TRAF3: variants seen among roughly 807,000 people sequenced by gnomAD.
The protein encoded by TRAF3 is TNF receptor associated factor 3.
A neutral mutation model predicts 62.3 loss-of-function variants in TRAF3; 13 were observed. The ratio of observed to expected loss-of-function variants is 0.21; its 90% CI spans 0.14 to 0.33. TRAF3 has a LOEUF of 0.33. Ranked by LOEUF, TRAF3 falls within the 10% of genes least tolerant of loss-of-function variation. The probability of loss-of-function intolerance (pLI) is 1.00; values close to 1 mark genes in which losing one functional copy is unlikely to be tolerated. For missense variants in TRAF3, 440 were observed against 741.8 expected, an observed-to-expected ratio of 0.59 and a Z score of 4.73; for synonymous variants, 269 against 283.4, an observed-to-expected ratio of 0.95 and a Z score of 0.51.
At chr14:102,779,152 T>G (rs1238907396) in intron 1 of TRAF3, among the ~76,000 whole-genome samples, 1 of 151,624 alleles carries the variant, frequency 6.6e-6, no homozygotes, top group East Asian at 1.9e-4. Flanking sequence ...CTGGTGAAAA[T>G]CAGACCTTAT....
intron 4 of TRAF3, among the ~76,000 whole-genome samples, chr14:102,875,295 C>T (rs916727807): frequency 6.6e-5 from 10 of 152,180 alleles, no homozygotes; most frequent in Admixed American, 3.3e-4. Flanking sequence ...TGAACCTGGT[C>T]CTCCTCTGCC....
intron 1 of TRAF3, among the ~76,000 whole-genome samples, chr14:102,789,860 C>G (rs1227484201): frequency 6.6e-6 from 1 of 151,552 alleles, no homozygotes; most frequent in African/African-American, 2.4e-5. Flanking sequence ...CCTTCTGTTG[C>G]CCAGGCTGGA....
At chr14:102,841,249 AG>A (rs1203921641) in intron 2 of TRAF3, among the ~76,000 whole-genome samples, 1 of 152,188 alleles carries the variant, frequency 6.6e-6, no homozygotes, top group Non-Finnish European at 1.5e-5. Context: ...GGAGCAGGTT[AG>A]AGAGAGAGCT....
intron 2 of TRAF3, among the ~76,000 whole-genome samples, chr14:102,858,292 C>A (rs571741748): frequency 1.5e-3 from 234 of 152,216 alleles, no homozygotes; most frequent in Non-Finnish European, 2.5e-3. Flanking sequence ...GCTGGGCTTA[C>A]AGGTACGCAC....
At chr14:102,856,098 A>C (rs1232723087) in intron 2 of TRAF3, among the ~76,000 whole-genome samples, 3 of 91,448 alleles carry the variant, frequency 3.3e-5, no homozygotes, top group Non-Finnish European at 5.8e-5. Context: ...CCTGTCTCAC[A>C]AAAAAAAAAA....
At chr14:102,827,379 C>T (rs7152791) in intron 1 of TRAF3, among the ~76,000 whole-genome samples, 62,941 of 152,150 alleles carry the variant, frequency 0.41, 17,700 homozygotes, top group African/African-American at 0.8. Flanking sequence ...CTGATCTTTT[C>T]GGATTTTGGC....
chr14:102,782,962 C>T (rs144520244), intron 1 of TRAF3, among the ~76,000 whole-genome samples: 21 of 152,250 alleles, frequency 1.4e-4, no homozygotes, highest in Admixed American at 1.4e-3. Flanking sequence ...ATGTGAATCT[C>T]CAGGAGTCAT....
At chr14:102,901,377 T>C (rs1890291184) in intron 10 of TRAF3, among the ~76,000 whole-genome samples, 1 of 152,190 alleles carries the variant, frequency 6.6e-6, no homozygotes, top group Admixed American at 6.5e-5. Context: ...AGGGCGTCTC[T>C]CAGACCTCTG....
chr14:102,806,915 G>T (rs774243068), intron 1 of TRAF3, among the ~76,000 whole-genome samples: 24 of 152,188 alleles, frequency 1.6e-4, no homozygotes, highest in Non-Finnish European at 2.9e-4. Flanking sequence ...CCTGTCTCTA[G>T]TGAAGCTCTT....
intron 2 of TRAF3, among the ~76,000 whole-genome samples, chr14:102,832,208 T>C (rs1413134432): frequency 6.6e-6 from 1 of 152,208 alleles, no homozygotes; most frequent in Non-Finnish European, 1.5e-5. Context: ...AAAGATAAAC[T>C]CACAGTTATC....
intron 1 of TRAF3, among the ~76,000 whole-genome samples, chr14:102,815,427 C>G (rs929957343): frequency 3.9e-5 from 6 of 152,106 alleles, no homozygotes; most frequent in Non-Finnish European, 7.4e-5. Flanking sequence ...TATCCATAGC[C>G]ATGATCATAG....
chr14:102,830,951 G>A (rs1445490886), intron 2 of TRAF3, among the ~76,000 whole-genome samples: 1 of 152,202 alleles, frequency 6.6e-6, no homozygotes, highest in Non-Finnish European at 1.5e-5. Flanking sequence ...AAGAGGTTCG[G>A]CTTACAAGGT....
Position 102,794,945 on chromosome 14 carries a change from T to A in TRAF3, c.-157+17270T>A, listed in dbSNP as rs190997321. On this transcript the variant is annotated intron_variant, in intron 1 of 11. Coordinates refer to ENST00000392745, the MANE Select transcript of TRAF3 (RefSeq NM_145725.3). The stretch of plus-strand genomic sequence containing the variant: ...TTTTCTTCCTATTACTAGTTCATTT[T>A]AAAAATTTGTTGAAACCTTCCCTTT... 5.4e-3 allele frequency among the ~76,000 whole-genome samples: 820 copies of A among 152,348 alleles called. 6 individuals carry two copies. The highest frequency in any genetic ancestry group is 9.9e-3 in the Admixed American group (152 of 15,306).
intron 11 of TRAF3, among the ~76,000 whole-genome samples, 186 bp from the exon 12 acceptor site, chr14:102,905,027 G>A (rs1232323679): frequency 2.6e-5 from 4 of 152,134 alleles, no homozygotes; most frequent in African/African-American, 4.8e-5. Context: ...CAGGAGAATC[G>A]CTTGAACCTG....
chr14:102,805,456 C>T (rs532819759), intron 1 of TRAF3, among the ~76,000 whole-genome samples: 6 of 152,146 alleles, frequency 3.9e-5, no homozygotes, highest in Non-Finnish European at 7.4e-5. Flanking sequence ...TCACTGCCCT[C>T]GGTGAGTGGA....
At chr14:102,825,203 C>T (rs571651018) in intron 1 of TRAF3, among the ~76,000 whole-genome samples, 1 of 152,316 alleles carries the variant, frequency 6.6e-6, no homozygotes, top group East Asian at 1.9e-4. Context: ...CCGCTCAGAG[C>T]CAAGCAGCTT....
chr14:102,868,679 T>C (rs1464206833), intron 2 of TRAF3, among the ~76,000 whole-genome samples: 1 of 152,256 alleles, frequency 6.6e-6, no homozygotes, highest in Non-Finnish European at 1.5e-5. Context: ...CCAGACTTTA[T>C]ACCACCATCT....
chr14:102,886,093 A>G, intron 6 of TRAF3, 96 bp from the exon 7 acceptor site: 1 of 1,085,434 alleles, frequency 9.2e-7, no homozygotes, highest in Non-Finnish European at 1.4e-6. Flanking sequence ...AGCGATGGTG[A>G]GCAGAGCCAT....
intron 11 of TRAF3, chr14:102,904,016 C>A: frequency 2.8e-6 from 1 of 357,270 alleles, no homozygotes; most frequent in Admixed American, 3.7e-5. Context: ...GCTTCGCCTC[C>A]AAGAGAGCAG....
Sources: gnomAD v4.1 joint callset for allele counts (sites outside exome capture counted in the v4.1 genomes callset) on GRCh38, gnomAD v4.1.1 for gene constraint, MANE v1.5 for transcripts, NCBI Gene and HGNC (gene_info 2026-07-23, HGNC 2026-07-21) for gene names.